The following LYPD6B variants were observed in gnomAD, a reference collection of about 807,000 sequenced individuals.
LYPD6B encodes ly6/PLAUR domain-containing protein 6B.
In LYPD6B, 17 loss-of-function variants were observed where a neutral mutation model predicts 22.8. The ratio of observed to expected loss-of-function variants is 0.75; its 90% CI spans 0.51 to 1.12. The LOEUF (loss-of-function observed/expected upper bound fraction) is 1.12, where lower values mean the gene tolerates loss of function less well. Among genes scored for constraint, LYPD6B ranks in the 50% most tolerant of loss-of-function variants. The pLI, the probability that LYPD6B is intolerant of heterozygous loss-of-function variation, is 0.00. For missense variants in LYPD6B, 221 were observed against 258.3 expected (o/e 0.86, Z 0.99); for synonymous variants, 106 against 91.6 (o/e 1.16, Z -0.90).
intron 2 of LYPD6B, among the ~76,000 whole-genome samples, chr2:149,158,276 A>C (rs1316504372): frequency 6.6e-6 from 1 of 152,176 alleles, no homozygotes. Context: ...TAACTATATA[A>C]AAATTGATTC....
chr2:149,153,293 G>A (rs1190489184), intron 2 of LYPD6B, among the ~76,000 whole-genome samples: 1 of 152,168 alleles, frequency 6.6e-6, no homozygotes, highest in South Asian at 2.1e-4. Flanking sequence ...ATGGAGGACG[G>A]CAGTGGAAAA....
rs774599480 is a variant in LYPD6B, at chr2:149,213,147, T to A, written c.459+25T>A. The A allele has an allele frequency of 3.1e-6, 5 of 1,595,314 alleles. No homozygotes were observed. In the Admixed American group the frequency reaches 8.4e-5, roughly 27 times the overall value. ...GGTAAGGATCGTGTGTGTGTGTTAT[T>A]GTCTAAACTTTCATCCTAGTAATGT... On this transcript the variant is annotated intron_variant, in intron 6 of 6. Coordinates refer to ENST00000409642, the MANE Select transcript of LYPD6B (RefSeq NM_177964.5).
intron 1 of LYPD6B, among the ~76,000 whole-genome samples, chr2:149,097,885 G>T (rs1345071297): frequency 6.6e-6 from 1 of 152,072 alleles, no homozygotes; most frequent in African/African-American, 2.4e-5. Flanking sequence ...GGGTATTTTT[G>T]TCATTCCATC....
At chr2:149,160,865 C>G in intron 3 of LYPD6B, 30 bp downstream of exon 3, 1 of 1,496,824 alleles carries the variant, frequency 6.7e-7, no homozygotes, top group Non-Finnish European at 9.1e-7. Flanking sequence ...CAACAGCCCT[C>G]GGCTTTTCAT....
chr2:149,207,053 A>G (rs1361510894), intron 4 of LYPD6B, among the ~76,000 whole-genome samples: 1 of 152,178 alleles, frequency 6.6e-6, no homozygotes, highest in South Asian at 2.1e-4. Context: ...TGGAATTACT[A>G]AATCAAAAAG....
intron 3 of LYPD6B, chr2:149,204,973 C>T (rs377391387): frequency 6.4e-5 from 20 of 312,656 alleles, no homozygotes; most frequent in African/African-American, 4.1e-4. Context: ...TGGGGTGCAG[C>T]CAGGCCAGCT....
At chr2:149,192,082 G>A (rs1344193096) in intron 3 of LYPD6B, among the ~76,000 whole-genome samples, 2 of 137,238 alleles carry the variant, frequency 1.5e-5, no homozygotes, top group Non-Finnish European at 3.3e-5. Context: ...GCGTGTTAAG[G>A]AGGGCTATGC....
At chr2:149,049,974 G>A (rs1441158565) in intron 1 of LYPD6B, among the ~76,000 whole-genome samples, 1 of 152,178 alleles carries the variant, frequency 6.6e-6, no homozygotes, top group African/African-American at 2.4e-5. Context: ...ATACAAAGGG[G>A]AAATCTAATT....
chr2:149,109,429 G>T (rs1686651278), intron 1 of LYPD6B, among the ~76,000 whole-genome samples: 1 of 151,754 alleles, frequency 6.6e-6, no homozygotes, highest in Non-Finnish European at 1.5e-5. Context: ...CTTTTCTCTG[G>T]CTACTTTTTA....
intron 1 of LYPD6B, among the ~76,000 whole-genome samples, chr2:149,092,054 G>A (rs1360203310): frequency 6.6e-6 from 1 of 152,028 alleles, no homozygotes. Flanking sequence ...GAGGAAGAGA[G>A]AGGGAGAGAG....
intron 1 of LYPD6B, among the ~76,000 whole-genome samples, chr2:149,124,615 C>T (rs1287594476): frequency 6.6e-6 from 1 of 152,126 alleles, no homozygotes; most frequent in African/African-American, 2.4e-5. Context: ...CCGTTATTGC[C>T]ACTGCTCACT....
At chr2:149,130,632 T>C (rs1687968991) in intron 1 of LYPD6B, among the ~76,000 whole-genome samples, 1 of 152,200 alleles carries the variant, frequency 6.6e-6, no homozygotes, top group African/African-American at 2.4e-5. Flanking sequence ...TCCTTCCTAA[T>C]TCTTGCAGAC....
chr2:149,193,011 A>G (rs1227097309), intron 3 of LYPD6B, among the ~76,000 whole-genome samples: 2 of 152,126 alleles, frequency 1.3e-5, no homozygotes, highest in Non-Finnish European at 2.9e-5. Flanking sequence ...AGCAGAAGAC[A>G]GTTGCCAGAC....
At chr2:149,195,971 C>T (rs576270804) in intron 3 of LYPD6B, among the ~76,000 whole-genome samples, 21 of 152,264 alleles carry the variant, frequency 1.4e-4, no homozygotes, top group East Asian at 7.7e-4. Context: ...CTCCAGAGGC[C>T]GGTTTCTCCC....
chr2:149,082,368 G>A (rs1027517507), intron 1 of LYPD6B, among the ~76,000 whole-genome samples: 2 of 152,184 alleles, frequency 1.3e-5, no homozygotes, highest in East Asian at 3.9e-4. Flanking sequence ...ACGTCAGGAA[G>A]CAAGCTGTGA....
intron 2 of LYPD6B, among the ~76,000 whole-genome samples, chr2:149,144,833 C>T (rs1388614496): frequency 2.0e-5 from 3 of 152,198 alleles, no homozygotes; most frequent in Non-Finnish European, 4.4e-5. Flanking sequence ...TTCCACTTGA[C>T]GTGCCTTCAA....
At chr2:149,112,325 A>AT (rs372804539) in intron 1 of LYPD6B, among the ~76,000 whole-genome samples, 156 of 152,010 alleles carry the variant, frequency 1.0e-3, no homozygotes, top group African/African-American at 3.3e-3. Flanking sequence ...ATGCTGTTTG[A>AT]TTTTTTTTCC....
chr2:149,115,545 G>A (rs1686961584), intron 1 of LYPD6B, among the ~76,000 whole-genome samples: 1 of 152,200 alleles, frequency 6.6e-6, no homozygotes, highest in Non-Finnish European at 1.5e-5. Flanking sequence ...TTGAACATGA[G>A]CCACTTTTGA....
chr2:149,208,785 A>T (rs1559080841), intron 5 of LYPD6B, among the ~76,000 whole-genome samples: 2 of 152,230 alleles, frequency 1.3e-5, no homozygotes, highest in Non-Finnish European at 2.9e-5. Flanking sequence ...ACTTCCAAGT[A>T]TCTTTTTAGT....
Sources: allele counts gnomAD v4.1 joint callset (sites outside exome capture counted in the v4.1 genomes callset), GRCh38; gene constraint gnomAD v4.1.1; transcripts MANE v1.5; gene names NCBI Gene and HGNC (gene_info 2026-07-23, HGNC 2026-07-21).